The following ZNF536 variants were observed in gnomAD, a reference collection of about 807,000 sequenced individuals.
ZNF536 encodes zinc finger protein 536.
ZNF536 carries 13 observed loss-of-function variants against 84.5 expected under a neutral mutation model. That is an observed-to-expected ratio of 0.15 (90% CI 0.10 to 0.24). ZNF536 has a LOEUF of 0.24. Among genes scored for constraint, ZNF536 ranks in the 10% least tolerant of loss-of-function variants. ZNF536 has a pLI of 1.00. For missense variants in ZNF536, 1,536 were observed against 1,747.5 expected, an observed-to-expected ratio of 0.88 and a Z score of 2.16; for synonymous variants, 811 against 742.5, an observed-to-expected ratio of 1.09 and a Z score of -1.50.
intron 1 of ZNF536, among the ~76,000 whole-genome samples, chr19:30,407,516 G>A (rs1456064563): frequency 6.6e-6 from 1 of 152,114 alleles, no homozygotes; most frequent in Non-Finnish European, 1.5e-5. Context: ...CCCCAAGATG[G>A]TCCCGCCCCA....
At chr19:30,490,086 A>T (rs572707696) in intron 2 of ZNF536, among the ~76,000 whole-genome samples, 2 of 152,328 alleles carry the variant, frequency 1.3e-5, no homozygotes, top group Admixed American at 6.5e-5. Context: ...GTTTTGGAGG[A>T]TCTGACTTAG....
chr19:30,673,423 C>T (rs1248698007), intron 1 of ZNF536, among the ~76,000 whole-genome samples: 1 of 152,180 alleles, frequency 6.6e-6, no homozygotes, highest in African/African-American at 2.4e-5. Flanking sequence ...ACGCTGGGGT[C>T]CTGAACCCAC....
intron 2 of ZNF536, 73 bp from the exon 3 acceptor site, chr19:30,534,774 T>C (rs1042973996): frequency 6.1e-6 from 9 of 1,478,492 alleles, no homozygotes; most frequent in African/African-American, 1.4e-5. Flanking sequence ...CTTTGTGTGG[T>C]GTTAGCAGTT....
At chr19:30,582,157 G>GA (rs1555804378) in intron 1 of ZNF536, among the ~76,000 whole-genome samples, 2 of 152,058 alleles carry the variant, frequency 1.3e-5, no homozygotes, top group Non-Finnish European at 2.9e-5. Flanking sequence ...TGGCAGCTGG[G>GA]AAAACAATGT....
chr19:30,583,274 G>C (rs2046986574), intron 1 of ZNF536, among the ~76,000 whole-genome samples: 1 of 152,198 alleles, frequency 6.6e-6, no homozygotes. Context: ...GAGCAGAACA[G>C]GGCCATGCTG....
chr19:30,294,992 T>A (rs1467431184), intron 2 of ZNF536, among the ~76,000 whole-genome samples: 1 of 152,172 alleles, frequency 6.6e-6, no homozygotes, highest in South Asian at 2.1e-4. Context: ...GGCTGCTACC[T>A]GAAGGGTGGG....
At position 30,445,855 on chromosome 19, in the gene ZNF536, G is replaced by C. The variant is rs1046183301; in HGVS notation, c.2170+123G>C. The C allele has an allele frequency of 2.2e-6, 3 of 1,350,164 alleles. No homozygotes were observed. Among genetic ancestry groups the C allele is most frequent in the Non-Finnish European group, 2.9e-6 (3 of 1,017,556 alleles). 83.6% of individuals were successfully genotyped at this position (1,350,164 alleles called of 1,614,324 possible). ...GTGGGTCTTGATTGAGGACAGGGGTGGGTTGGACACTGGGCCATGCCTTTC... is the reference window on the plus strand; with the variant it reads ...GTGGGTCTTGATTGAGGACAGGGGTCGGTTGGACACTGGGCCATGCCTTTC... On this transcript the variant is annotated intron_variant, in intron 2 of 4. Coordinates refer to ENST00000355537, the MANE Select transcript of ZNF536 (RefSeq NM_014717.3). This position sits in a 1 kb window ranked among gnomAD's most constrained non-coding sequence, Gnocchi z 4.5.
chr19:30,686,449 C>T (rs1273114415), intron 1 of ZNF536, among the ~76,000 whole-genome samples: 1 of 152,208 alleles, frequency 6.6e-6, no homozygotes, highest in Non-Finnish European at 1.5e-5. Flanking sequence ...TGTGCACACC[C>T]AGGGGCACTG....
intron 1 of ZNF536, among the ~76,000 whole-genome samples, chr19:30,587,841 C>A (rs138396782): frequency 3.1e-3 from 465 of 152,338 alleles, no homozygotes; most frequent in African/African-American, 0.011. Context: ...CCTGCTTATT[C>A]CCCATTAAAT....
intron 1 of ZNF536, among the ~76,000 whole-genome samples, chr19:30,616,262 C>T (rs1055028680): frequency 9.2e-5 from 14 of 152,154 alleles, no homozygotes; most frequent in East Asian, 5.8e-4. Flanking sequence ...CTGACTTCAG[C>T]GTGCATGATT....
intron 1 of ZNF536, among the ~76,000 whole-genome samples, chr19:30,272,423 T>G (rs1247992583): frequency 6.6e-6 from 1 of 152,232 alleles, no homozygotes; most frequent in Non-Finnish European, 1.5e-5. Context: ...TATTGATACA[T>G]TATTATGAAT....
intron 2 of ZNF536, among the ~76,000 whole-genome samples, chr19:30,303,664 G>A (rs977760306): frequency 2.0e-5 from 3 of 152,008 alleles, no homozygotes; most frequent in South Asian, 2.1e-4. Flanking sequence ...CACCACGCCC[G>A]GCTAATTTTT....
intron 1 of ZNF536, among the ~76,000 whole-genome samples, chr19:30,645,980 T>C (rs1291476000): frequency 6.6e-6 from 1 of 152,040 alleles, no homozygotes; most frequent in Non-Finnish European, 1.5e-5. Context: ...GTTGGAGCCC[T>C]GAGGACAGCA....
In ZNF536 at chr19:30,606,218, A is replaced by G. The variant is rs2047868639; in HGVS notation, c.169+56704A>G. ...ATAATAAAATAAAATAAAATAAAATATAAAATAAAATAATAAAATAAAATA... is the reference window on the plus strand; with the variant it reads ...ATAATAAAATAAAATAAAATAAAATGTAAAATAAAATAATAAAATAAAATA... On this transcript the variant is annotated intron_variant, in intron 1 of 1. Transcript: ENST00000592773. Among the ~76,000 whole-genome samples, 4 of 109,786 alleles carry G rather than the reference A, an allele frequency of 3.6e-5. 1 individual carries two copies. In the Admixed American group the frequency reaches 3.9e-4, roughly 11 times the overall value. 72.0% of individuals were successfully genotyped at this position (109,786 alleles called of 152,430 possible).
intron 1 of ZNF536, among the ~76,000 whole-genome samples, chr19:30,663,093 C>G (rs1463433408): frequency 6.6e-6 from 1 of 151,692 alleles, no homozygotes; most frequent in African/African-American, 2.4e-5. Flanking sequence ...CCAATACTTC[C>G]CTTTGAAATG....
intron 1 of ZNF536, among the ~76,000 whole-genome samples, chr19:30,269,829 C>T (rs151079790): frequency 7.8e-4 from 119 of 152,264 alleles, no homozygotes; most frequent in African/African-American, 2.7e-3. Flanking sequence ...CTGCCATTCC[C>T]GGAGGCAGCT....
At chr19:30,318,016 A>G (rs748293681) in intron 2 of ZNF536, among the ~76,000 whole-genome samples, 3 of 152,180 alleles carry the variant, frequency 2.0e-5, no homozygotes, top group Non-Finnish European at 1.5e-5. Context: ...ACCTCTGTGG[A>G]CTGGAGTTGG....
At chr19:30,322,891 G>T (rs1189294955) in intron 2 of ZNF536, among the ~76,000 whole-genome samples, 4 of 152,174 alleles carry the variant, frequency 2.6e-5, no homozygotes, top group African/African-American at 9.7e-5. Flanking sequence ...CTCCTGGAAA[G>T]GCTGGGCACC....
At chr19:30,634,581 C>T (rs915035634) in intron 1 of ZNF536, among the ~76,000 whole-genome samples, 1 of 152,082 alleles carries the variant, frequency 6.6e-6, no homozygotes, top group Non-Finnish European at 1.5e-5. Flanking sequence ...TGCTGACAGC[C>T]GGCATAATCG....
Sources: allele counts gnomAD v4.1 joint callset (sites outside exome capture counted in the v4.1 genomes callset), GRCh38; gene constraint gnomAD v4.1.1; non-coding constraint Gnocchi (gnomAD v3.1); transcripts MANE v1.5; gene names NCBI Gene and HGNC (gene_info 2026-07-23, HGNC 2026-07-21).